The following CACNA2D4 variants were observed in gnomAD, a reference collection of about 807,000 sequenced individuals.
CACNA2D4 encodes calcium voltage-gated channel auxiliary subunit alpha2delta 4.
CACNA2D4 carries 157 observed loss-of-function variants against 163.8 expected under a neutral mutation model. The ratio of observed to expected loss-of-function variants is 0.96; its 90% CI spans 0.84 to 1.09. The LOEUF (loss-of-function observed/expected upper bound fraction) is 1.09. Among genes scored for constraint, CACNA2D4 ranks in the 50% least tolerant of loss-of-function variants. The probability of loss-of-function intolerance (pLI) is 0.00; values close to 1 mark genes in which losing one functional copy is unlikely to be tolerated. For synonymous variants in CACNA2D4, 598 were observed against 586.9 expected (o/e 1.02, Z -0.27); for missense variants, 1,410 against 1,479.9 (o/e 0.95, Z 0.78).
intron 25 of CACNA2D4, among the ~76,000 whole-genome samples, chr12:1,842,868 G>A (rs117283396): frequency 0.037 from 5,617 of 152,236 alleles, 175 homozygotes; most frequent in Non-Finnish European, 0.059. Flanking sequence ...TCTCCCCTTT[G>A]CTTCCAGAGC....
intron 6 of CACNA2D4, among the ~76,000 whole-genome samples, chr12:1,906,625 C>T (rs1256640210): frequency 6.6e-6 from 1 of 152,156 alleles, no homozygotes; most frequent in Admixed American, 6.5e-5. Context: ...CTGGAGTAGA[C>T]AAGAGGGGCA....
intron 6 of CACNA2D4, among the ~76,000 whole-genome samples, chr12:1,898,539 C>T (rs550492906): frequency 1.3e-5 from 2 of 151,134 alleles, no homozygotes; most frequent in Non-Finnish European, 2.9e-5. Context: ...TACCTCACAC[C>T]CATTAGGATG....
At chr12:1,803,079 T>C (rs934682525) in intron 29 of CACNA2D4, among the ~76,000 whole-genome samples, 4 of 152,116 alleles carry the variant, frequency 2.6e-5, no homozygotes, top group African/African-American at 9.7e-5. Context: ...AATGATGACA[T>C]GTGTGATAAC....
At chr12:1,848,897 C>T (rs547619623) in intron 23 of CACNA2D4, among the ~76,000 whole-genome samples, 1 of 152,342 alleles carries the variant, frequency 6.6e-6, no homozygotes, top group African/African-American at 2.4e-5. Context: ...CGTGCCTCCA[C>T]AGCCAGCTCC....
At chr12:1,856,900 C>A (rs1865412869) in intron 20 of CACNA2D4, among the ~76,000 whole-genome samples, 1 of 152,288 alleles carries the variant, frequency 6.6e-6, no homozygotes, top group Admixed American at 6.5e-5. Context: ...ATCTGTGGAG[C>A]CTCACAAGGG....
intron 20 of CACNA2D4, 56 bp from the exon 21 acceptor site, chr12:1,856,285 G>A (rs981157681): frequency 1.5e-5 from 24 of 1,585,592 alleles, no homozygotes; most frequent in Non-Finnish European, 2.0e-5. Context: ...GAGGGTGTGT[G>A]TCTCAATTGT....
chr12:1,811,358 C>T (rs978189620), intron 27 of CACNA2D4, among the ~76,000 whole-genome samples: 12 of 152,220 alleles, frequency 7.9e-5, no homozygotes, highest in South Asian at 4.1e-4. Flanking sequence ...GCCTGGACCC[C>T]GGACCTTGGA....
In CACNA2D4 at chr12:1,831,351, G is replaced by A. The variant is rs377675302; in HGVS notation, c.2551+9388C>T. The A allele has an allele frequency of 3.2e-5, 51 of 1,613,700 alleles. No individual in the cohort carries two copies. The highest frequency in any genetic ancestry group is 2.5e-4 in the East Asian group (11 of 44,884). On this transcript the variant is annotated intron_variant, in intron 26 of 37. Transcript: ENST00000382722. The stretch of plus-strand genomic sequence containing the variant: ...CCAGTTGCCCCCTGGTCTTTTCGAC[G>A]GGCTCCTGGCTCTGCGCTCCCTCTC...
At chr12:1,794,993 G>GGCACCT (rs1015854469) in intron 37 of CACNA2D4, 3 of 543,114 alleles carry the variant, frequency 5.5e-6, no homozygotes, top group African/African-American at 3.8e-5. Context: ...GGGTCTTAGA[G>GGCACCT]GCACCTGTGA....
intron 5 of CACNA2D4, 135 bp from the exon 6 acceptor site, chr12:1,907,706 C>A: frequency 1.7e-6 from 2 of 1,150,590 alleles, no homozygotes; most frequent in African/African-American, 1.6e-5. Context: ...GCCTGGTGGG[C>A]GTGTCTGGTG....
intron 23 of CACNA2D4, among the ~76,000 whole-genome samples, chr12:1,848,055 G>A (rs1865191674): frequency 1.3e-5 from 2 of 152,046 alleles, no homozygotes; most frequent in African/African-American, 2.4e-5. Context: ...TTGAGATATC[G>A]TTCAAATACC....
At chr12:1,884,159 C>T (rs1284549975) in intron 12 of CACNA2D4, 84 bp downstream of exon 12, 14 of 1,235,540 alleles carry the variant, frequency 1.1e-5, no homozygotes, top group Admixed American at 3.9e-5. Flanking sequence ...TGGGGAAGCC[C>T]GTGCTCAGCA....
intron 26 of CACNA2D4, among the ~76,000 whole-genome samples, chr12:1,837,111 CCGT>C (rs1295107673): frequency 6.6e-6 from 1 of 152,230 alleles, no homozygotes; most frequent in Non-Finnish European, 1.5e-5. Flanking sequence ...CCGCCATGGC[CCGT>C]GCCCTGTGGG....
Position 1,797,484 on chromosome 12 carries a change from G to C in CACNA2D4, c.3047C>G (p.Pro1016Arg). 6.3e-7 allele frequency: 1 copy of C among 1,586,362 alleles called. No individual in the cohort carries two copies. Among genetic ancestry groups the C allele is most frequent in the South Asian group, 1.1e-5 (1 of 87,562 alleles). ...GATGGCCGGCTGGTACACGAACACG[G>C]GGTACTCCGTGTCGCAGGGCTGCAG... ...DPLQPCDTEY[P>R]VFVYQPAIRE... The change falls in exon 35 of 38, where the codon CCC becomes CGC. Residue 1016 changes from proline to arginine, a missense_variant. Physicochemically the swap from Pro to Arg is moderately radical, Grantham distance 103. Transcript: ENST00000382722.
rs373388216 is a variant in CACNA2D4, at chr12:1,811,618, C to A, written c.2613+44G>T. 5.2e-6 allele frequency: 8 copies of A among 1,538,842 alleles called. 1 individual carries two copies. The highest frequency in any genetic ancestry group is 1.7e-4 in the Middle Eastern group (1 of 5,928). On this transcript the variant is annotated intron_variant, in intron 27 of 37. Coordinates refer to ENST00000382722, the MANE Select transcript of CACNA2D4 (RefSeq NM_172364.5). ...AGAGGGGGTCTCACACCCAGGGGAG[C>A]GTGGTGAGTCCCCAGCCCCGACCTG...
At chr12:1,831,537 C>T (rs776427575) in intron 26 of CACNA2D4, 33 of 1,604,454 alleles carry the variant, frequency 2.1e-5, no homozygotes, top group Non-Finnish European at 2.6e-5. Context: ...TGAGCGCAGC[C>T]GGCCCTGCTG....
chr12:1,907,425 A>G lies in CACNA2D4; in HGVS notation c.781+15T>C. 6.2e-7 allele frequency: 1 copy of G among 1,608,830 alleles called. No individual in the cohort carries two copies. Among genetic ancestry groups the G allele is most frequent in the Non-Finnish European group, 8.5e-7 (1 of 1,176,002 alleles). Reference sequence around the variant, plus strand: ...AATCCCAGAAGGTCGGGGAGATGCAACTCCATGTCCTTACCTGGATAGATC... The same window carrying G: ...AATCCCAGAAGGTCGGGGAGATGCAGCTCCATGTCCTTACCTGGATAGATC... On this transcript the variant is annotated intron_variant, in intron 6 of 37. Transcript: ENST00000382722.
chr12:1,907,536 C>A lies in CACNA2D4; in HGVS notation c.685G>T (p.Ala229Ser). The stretch of plus-strand genomic sequence containing the variant: ...TTCTCCACGAAGACAGCATTCAAGG[C>A]TTCAGACATGTAGACTCCATTTAAA... ...DILNGVYMSE[A>S]LNAVFVENFQ... Residue 229 changes from alanine (A) to serine (S), a missense_variant, in exon 6 of 38, where the codon GCC becomes TCC. Physicochemically the swap from Ala to Ser is moderately conservative, Grantham distance 99. Transcript: ENST00000382722. The A allele has an allele frequency of 1.9e-6, 3 of 1,613,408 alleles. No homozygotes were observed. The highest frequency in any genetic ancestry group is 2.5e-6 in the Non-Finnish European group (3 of 1,179,444).
At chr12:1,901,483 A>G (rs1304405340) in intron 6 of CACNA2D4, among the ~76,000 whole-genome samples, 3 of 152,004 alleles carry the variant, frequency 2.0e-5, no homozygotes, top group Non-Finnish European at 4.4e-5. Context: ...ACTTAAATAT[A>G]TAAAATCATA....
Sources: allele counts gnomAD v4.1 joint callset (sites outside exome capture counted in the v4.1 genomes callset), GRCh38; gene constraint gnomAD v4.1.1; transcripts MANE v1.5; gene names NCBI Gene and HGNC (gene_info 2026-07-23, HGNC 2026-07-21).